The following EPHA4 variants were observed in gnomAD, a reference collection of about 807,000 sequenced individuals.
EPHA4 encodes the protein ephrin type-A receptor 4.
EPHA4 carries 19 observed loss-of-function variants against 108.3 expected under a neutral mutation model. The observed-to-expected ratio is 0.18, with a 90% CI of 0.12 to 0.26. The LOEUF (loss-of-function observed/expected upper bound fraction) is 0.26, where lower values mean the gene tolerates loss of function less well. EPHA4 is among the 10% of genes least tolerant of loss of function. The pLI is 1.00. For synonymous variants in EPHA4, 449 were observed against 455.5 expected (o/e 0.99, Z 0.18); for missense variants, 917 against 1,254.0 (o/e 0.73, Z 4.06).
At chr2:221,549,656 T>C (rs937190678) in intron 3 of EPHA4, among the ~76,000 whole-genome samples, 3 of 151,512 alleles carry the variant, frequency 2.0e-5, no homozygotes, top group Admixed American at 6.6e-5. Context: ...ACAAACCCAT[T>C]ACCTTTAATT....
At chr2:221,493,595 G>A (rs1310619833) in intron 4 of EPHA4, among the ~76,000 whole-genome samples, 3 of 152,126 alleles carry the variant, frequency 2.0e-5, no homozygotes, top group African/African-American at 7.2e-5. Context: ...GGTTTCCACC[G>A]AAGATTGCTC....
At chr2:221,471,542 A>G (rs1160094122) in intron 5 of EPHA4, among the ~76,000 whole-genome samples, 1 of 152,234 alleles carries the variant, frequency 6.6e-6, no homozygotes, top group East Asian at 1.9e-4. Context: ...AGGTAGAGGA[A>G]AAAGAAGTGG....
chr2:221,454,848 G>A (rs757695631), intron 8 of EPHA4, among the ~76,000 whole-genome samples: 3 of 152,164 alleles, frequency 2.0e-5, no homozygotes, highest in Non-Finnish European at 4.4e-5. Flanking sequence ...GTACTTAGAG[G>A]ATAAGGGCTC....
chr2:221,420,247 G>GTGTC lies in EPHA4; in HGVS notation c.*1124_*1125insGACA, dbSNP rs1689716848. 2 of 142,126 alleles carry GTGTC rather than the reference G, an allele frequency of 1.4e-5. No homozygotes were observed. The highest frequency in any genetic ancestry group is 4.7e-4 in the South Asian group (2 of 4,262). The allele number at this position is 142,126 out of a possible 1,614,324, so 8.8% of individuals were successfully genotyped here. On this transcript the variant is annotated 3_prime_UTR_variant, in exon 18 of 18. Transcript: ENST00000281821. ...AAATACATATAAATAAAACCGCAAA[G>GTGTC]AGTCTGGGGCAAGGGCTCTGCAGAG...
At chr2:221,457,109 G>C (rs1437613825) in intron 6 of EPHA4, among the ~76,000 whole-genome samples, 1 of 152,062 alleles carries the variant, frequency 6.6e-6, no homozygotes, top group East Asian at 1.9e-4. Context: ...CTGTGAGAAG[G>C]TCCCTTATCT....
intron 8 of EPHA4, among the ~76,000 whole-genome samples, chr2:221,447,585 T>C (rs1349556981): frequency 6.6e-6 from 1 of 152,104 alleles, no homozygotes; most frequent in East Asian, 1.9e-4. Context: ...CTACAGATGT[T>C]TCTCCGTGGG....
At chr2:221,559,767 T>C (rs1694404697) in intron 3 of EPHA4, among the ~76,000 whole-genome samples, 1 of 152,164 alleles carries the variant, frequency 6.6e-6, no homozygotes, top group African/African-American at 2.4e-5. Context: ...CTAACTAGAA[T>C]CATTATATTA....
chr2:221,440,972 G>A (rs1026281514), intron 11 of EPHA4, among the ~76,000 whole-genome samples: 13 of 151,938 alleles, frequency 8.6e-5, no homozygotes, highest in Non-Finnish European at 1.5e-4. Flanking sequence ...CCAAACTTAC[G>A]GGCCGCACAC....
intron 3 of EPHA4, among the ~76,000 whole-genome samples, chr2:221,525,366 AAAACGAGTTACCATATGCTCCGT>A (rs1693292021): frequency 6.6e-6 from 1 of 152,216 alleles, no homozygotes; most frequent in Non-Finnish European, 1.5e-5. Context: ...GCTGTGGAGG[AAAACGAGTTACCATATGCTCCGT>A]AAATTTCCTT....
intron 16 of EPHA4, 54 bp from the exon 17 acceptor site, chr2:221,426,196 T>G: frequency 6.8e-7 from 1 of 1,477,176 alleles, no homozygotes; most frequent in Non-Finnish European, 9.5e-7. Flanking sequence ...ACTGACAATC[T>G]CTTTTCTTGG....
intron 5 of EPHA4, among the ~76,000 whole-genome samples, chr2:221,466,947 C>T (rs191223993): frequency 9.9e-5 from 15 of 152,220 alleles, no homozygotes; most frequent in East Asian, 1.9e-4. Context: ...ACAGCAGTAG[C>T]GGCAGCAGCA....
Position 221,440,845 on chromosome 2 carries a change from C to T in EPHA4, c.2074+1984G>A, listed in dbSNP as rs150205780. Among the ~76,000 whole-genome samples, 39 of 152,300 alleles carry T rather than the reference C, an allele frequency of 2.6e-4. No individual in the cohort carries two copies. The South Asian group carries it at 4.6e-3, about 18-fold the overall frequency. On this transcript the variant is annotated intron_variant, in intron 11 of 17. Coordinates refer to ENST00000281821, the MANE Select transcript of EPHA4 (RefSeq NM_004438.5). ...AGATTGAACAAGTAGTCCAAGGTCA[C>T]AAGCTTTAGAAGCAGCAGAGGTGGT...
intron 17 of EPHA4, among the ~76,000 whole-genome samples, chr2:221,421,397 G>C (rs1447194748): frequency 6.6e-6 from 1 of 152,156 alleles, no homozygotes; most frequent in African/African-American, 2.4e-5. Context: ...ATAAATAGAA[G>C]TATCTAATCT....
chr2:221,466,186 A>C (rs921306952), intron 5 of EPHA4, among the ~76,000 whole-genome samples: 1 of 152,248 alleles, frequency 6.6e-6, no homozygotes, highest in Non-Finnish European at 1.5e-5. Flanking sequence ...CAAAACACTG[A>C]GCCAAAAGAT....
chr2:221,537,827 A>T (rs1390381542), intron 3 of EPHA4, among the ~76,000 whole-genome samples: 1 of 152,204 alleles, frequency 6.6e-6, no homozygotes, highest in Admixed American at 6.5e-5. Flanking sequence ...AAAGACAAAG[A>T]TGACGATGAC....
chr2:221,496,853 G>C (rs1201032074), intron 4 of EPHA4, among the ~76,000 whole-genome samples: 1 of 152,040 alleles, frequency 6.6e-6, no homozygotes, highest in Non-Finnish European at 1.5e-5. Flanking sequence ...AGGTTGCAGT[G>C]AGCCAAGATT....
At chr2:221,549,618 T>C (rs1694101860) in intron 3 of EPHA4, among the ~76,000 whole-genome samples, 1 of 152,240 alleles carries the variant, frequency 6.6e-6, no homozygotes, top group Non-Finnish European at 1.5e-5. Flanking sequence ...AGAGTAGCTC[T>C]ACCATGCCTA....
chr2:221,472,685 A>T (rs1335763736), intron 5 of EPHA4, among the ~76,000 whole-genome samples: 1 of 152,192 alleles, frequency 6.6e-6, no homozygotes, highest in Non-Finnish European at 1.5e-5. Flanking sequence ...AAAGGGATGG[A>T]CCATAGTTCT....
chr2:221,494,375 G>A (rs576781365), intron 4 of EPHA4, among the ~76,000 whole-genome samples: 9 of 152,168 alleles, frequency 5.9e-5, no homozygotes, highest in African/African-American at 9.6e-5. Context: ...AGGCCTAGGC[G>A]GGCGGATCGC....
Sources: gnomAD v4.1 joint callset for allele counts (sites outside exome capture counted in the v4.1 genomes callset) on GRCh38, gnomAD v4.1.1 for gene constraint, MANE v1.5 for transcripts, NCBI Gene and HGNC (gene_info 2026-07-23, HGNC 2026-07-21) for gene names.